Variants in CPM observed in about 807,000 individuals in gnomAD.
The protein encoded by CPM is renal carboxypeptidase.
A neutral mutation model predicts 46.4 loss-of-function variants in CPM; 35 were observed. That is an observed-to-expected ratio of 0.75 (90% CI 0.58 to 1.00). The LOEUF is 1.00. CPM is among the 50% of genes least tolerant of loss of function. CPM has a pLI of 0.00. For missense variants in CPM, 422 were observed against 530.4 expected, an observed-to-expected ratio of 0.80 and a Z score of 2.01; for synonymous variants, 195 against 195.3, an observed-to-expected ratio of 1.00 and a Z score of 0.01.
chr12:68,845,582 G>A (rs951023453), intron 5 of CPM: 5 of 181,276 alleles, frequency 2.8e-5, no homozygotes, highest in Admixed American at 6.3e-5. Flanking sequence ...ACTTGAATTC[G>A]TATTGCTTTC....
At chr12:68,876,319 TA>T (rs1289869875) in intron 3 of CPM, among the ~76,000 whole-genome samples, 2 of 152,228 alleles carry the variant, frequency 1.3e-5, no homozygotes, top group Non-Finnish European at 2.9e-5. Context: ...CAGAGGCAGT[TA>T]AACAAAATCC....
At chr12:68,874,628 A>T (rs1333150715) in intron 3 of CPM, among the ~76,000 whole-genome samples, 1 of 152,188 alleles carries the variant, frequency 6.6e-6, no homozygotes, top group East Asian at 1.9e-4. Flanking sequence ...AACCAAAAAA[A>T]TGTGAAAAAG....
At chr12:68,936,442 G>T (rs1888673655), upstream of CPM, among the ~76,000 whole-genome samples, 2 of 151,978 alleles carry the variant, frequency 1.3e-5, no homozygotes, top group South Asian at 4.1e-4. Context: ...GGAGTGCAGT[G>T]GCACAATTTT....
intron 2 of CPM, among the ~76,000 whole-genome samples, chr12:68,892,067 T>G (rs1324050308): frequency 6.6e-6 from 1 of 152,050 alleles, no homozygotes; most frequent in Non-Finnish European, 1.5e-5. Flanking sequence ...GCTCTCCAGG[T>G]GATTCCCAGT....
chr12:68,948,114 C>T (rs2136333906), intron 1 of CPM, among the ~76,000 whole-genome samples: 1 of 152,246 alleles, frequency 6.6e-6, no homozygotes, highest in Non-Finnish European at 1.5e-5. Context: ...TTAGTTTTGC[C>T]TTTCTAGAGT....
rs1166905799 is a variant in CPM at position 68,856,470 on chromosome 12, A to C, written c.1299T>G (p.Phe433Leu). Residue 433 changes from phenylalanine (F) to leucine (L), a missense_variant, in exon 9 of 9, where the codon TTT becomes TTG. Phe to Leu is a conservative substitution (Grantham distance 22). Transcript: ENST00000551568. ...AGAATATGTGCAAAAGACTCACTAA[A>C]AATAAGAACAAACTAGGCTTTGTTG... ...SAATKPSLFL[F>L]LVSLLHIFFK 6.2e-7 allele frequency: 1 copy of C among 1,614,002 alleles called. No homozygotes were observed. Among genetic ancestry groups the C allele is most frequent in the East Asian group, 2.2e-5 (1 of 44,898 alleles).
chr12:68,885,575 G>A (rs1371771094), intron 3 of CPM, among the ~76,000 whole-genome samples: 1 of 152,058 alleles, frequency 6.6e-6, no homozygotes, highest in Non-Finnish European at 1.5e-5. Context: ...ACTCTGACAG[G>A]GTGCTGGGTA....
chr12:68,909,433 TACAC>T (rs1344798057), intron 2 of CPM, among the ~76,000 whole-genome samples: 1 of 152,104 alleles, frequency 6.6e-6, no homozygotes, highest in Non-Finnish European at 1.5e-5. Flanking sequence ...TGTGGGGAAA[TACAC>T]ATACTCACGT....
intron 7 of CPM, among the ~76,000 whole-genome samples, chr12:68,866,497 C>G (rs1351429449): frequency 6.6e-6 from 1 of 152,162 alleles, no homozygotes; most frequent in African/African-American, 2.4e-5. Context: ...GCGTGTGCCA[C>G]CACGCCTGGC....
intron 6 of CPM, among the ~76,000 whole-genome samples, chr12:68,867,911 G>C (rs1885525653): frequency 6.6e-6 from 1 of 152,216 alleles, no homozygotes; most frequent in African/African-American, 2.4e-5. Context: ...GCCAAGCGTG[G>C]AGGGGGCAGT....
chr12:68,915,318 T>C (rs1349099298), intron 2 of CPM, among the ~76,000 whole-genome samples: 1 of 152,152 alleles, frequency 6.6e-6, no homozygotes, highest in African/African-American at 2.4e-5. Flanking sequence ...TTAGAAATCG[T>C]CATCAAATTC....
rs1175614737 is a variant in CPM at position 68,862,587 on chromosome 12, G to A, written c.941-3516C>T. 1.4e-5 allele frequency among the ~76,000 whole-genome samples: 2 copies of A among 139,680 alleles called. 1 individual carries two copies. Among genetic ancestry groups the A allele is most frequent in the Non-Finnish European group, 3.1e-5 (2 of 64,252 alleles). The allele number at this position is 139,680 out of a possible 152,430, so 91.6% of individuals were successfully genotyped here. A position where few individuals can be genotyped will look rare whatever the true frequency, so the allele number is the denominator to read the frequency against. On this transcript the variant is annotated intron_variant, in intron 7 of 8. Transcript: ENST00000551568. ...TTCCAGCTATGGAAGCCTGGGGTAT[G>A]CGAATATCACTGTTACTGGGCAAAC...
chr12:68,845,581 C>T (rs1405883886), intron 5 of CPM: 1 of 181,414 alleles, frequency 5.5e-6, no homozygotes, highest in Non-Finnish European at 1.2e-5. Flanking sequence ...TACTTGAATT[C>T]GTATTGCTTT....
In CPM at chr12:68,856,688, A is replaced by C; in HGVS notation, c.1090-9T>G. On this transcript the variant is annotated splice_polypyrimidine_tract_variant and intron_variant, in intron 8 of 8. Transcript: ENST00000551568. ...TGTCCAGGGACTGTAACCTGAGAAGAAACAAGAGACAATTATATGAGTGAC... is the reference window on the plus strand; with the variant it reads ...TGTCCAGGGACTGTAACCTGAGAAGCAACAAGAGACAATTATATGAGTGAC... The C allele has an allele frequency of 6.2e-7, 1 of 1,612,392 alleles. No homozygotes were observed. Among genetic ancestry groups the C allele is most frequent in the Non-Finnish European group, 8.5e-7 (1 of 1,178,832 alleles).
At position 68,873,806 on chromosome 12, in the gene CPM, T is replaced by C. The variant is rs548848230; in HGVS notation, c.259-1850A>G. ...TCCTACTCATTTTTTATCTTCCTCT[T>C]CCACTACCTTTTTTTTTGAGACAGA... On this transcript the variant is annotated intron_variant, in intron 3 of 8. Transcript: ENST00000551568. 4.1e-4 allele frequency among the ~76,000 whole-genome samples: 62 copies of C among 152,136 alleles called. 2 individuals are homozygous for C. The East Asian group carries it at 0.011, about 28-fold the overall frequency.
At chr12:68,906,552 C>T (rs540449206) in intron 2 of CPM, among the ~76,000 whole-genome samples, 1 of 152,058 alleles carries the variant, frequency 6.6e-6, no homozygotes, top group Non-Finnish European at 1.5e-5. Context: ...TGTAGTGGCA[C>T]GATCTTGGTT....
intron 2 of CPM, among the ~76,000 whole-genome samples, chr12:68,893,614 TCTA>T (rs1366712333): frequency 6.6e-6 from 1 of 152,162 alleles, no homozygotes; most frequent in African/African-American, 2.4e-5. Context: ...AATTCTAAAG[TCTA>T]CTTAGAGCCA....
intron 2 of CPM, among the ~76,000 whole-genome samples, chr12:68,901,532 GA>G (rs780761361): frequency 1.1e-4 from 17 of 151,772 alleles, no homozygotes; most frequent in South Asian, 2.1e-4. Flanking sequence ...TCTCTATTTG[GA>G]AAAAAAATCA....
chr12:68,886,488 C>T (rs1469657752), intron 2 of CPM, among the ~76,000 whole-genome samples: 4 of 152,006 alleles, frequency 2.6e-5, no homozygotes, highest in South Asian at 2.1e-4. Context: ...AAAAATTAGC[C>T]GGGCGTGGTG....
Sources: allele counts gnomAD v4.1 joint callset (sites outside exome capture counted in the v4.1 genomes callset), GRCh38; gene constraint gnomAD v4.1.1; transcripts MANE v1.5; gene names NCBI Gene and HGNC (gene_info 2026-07-23, HGNC 2026-07-21).